CEP112: variants seen among roughly 807,000 people sequenced by gnomAD.
The protein encoded by CEP112 is centrosomal protein 112.
In CEP112, 127 loss-of-function variants were observed where a neutral mutation model predicts 153.0. The observed-to-expected ratio is 0.83, with a 90% CI of 0.72 to 0.96. CEP112 has a LOEUF of 0.96. Among genes scored for constraint, CEP112 ranks in the 40% least tolerant of loss-of-function variants. The pLI is 0.00. For missense variants in CEP112, 1,089 were observed against 1,101.2 expected, an observed-to-expected ratio of 0.99 and a Z score of 0.16; for synonymous variants, 358 against 374.4, an observed-to-expected ratio of 0.96 and a Z score of 0.51.
At chr17:65,896,700 T>C (rs1598922831) in intron 20 of CEP112, among the ~76,000 whole-genome samples, 2 of 152,038 alleles carry the variant, frequency 1.3e-5, no homozygotes, top group Admixed American at 6.6e-5. Context: ...GTATGACCTA[T>C]GCTTTTGGTG....
intron 19 of CEP112, among the ~76,000 whole-genome samples, chr17:65,912,674 T>C (rs1279315483): frequency 6.6e-6 from 1 of 152,148 alleles, no homozygotes; most frequent in Non-Finnish European, 1.5e-5. Context: ...CAAACAATTA[T>C]CAACATGCCA....
In CEP112 at chr17:65,813,673, A is replaced by T. The variant is rs147615258; in HGVS notation, c.2394+38131T>A. Among the ~76,000 whole-genome samples, 42 of 152,280 alleles carry T rather than the reference A, an allele frequency of 2.8e-4. No individual in the cohort carries two copies. In the East Asian group the frequency reaches 7.9e-3, roughly 29 times the overall value. ...TCTAAAGCATTCAGTGAGTTGGGAGAATTAAAGTAGATAAGGTGCGTGAAA... is the reference window on the plus strand; with the variant it reads ...TCTAAAGCATTCAGTGAGTTGGGAGTATTAAAGTAGATAAGGTGCGTGAAA... On this transcript the variant is annotated intron_variant, in intron 21 of 26. Coordinates refer to ENST00000535342, the MANE Select transcript of CEP112 (RefSeq NM_001199165.4).
At chr17:65,757,238 C>T (rs1567969408) in intron 21 of CEP112, among the ~76,000 whole-genome samples, 1 of 152,118 alleles carries the variant, frequency 6.6e-6, no homozygotes, top group Non-Finnish European at 1.5e-5. Flanking sequence ...TCTGTTATGG[C>T]AGCCCAAGCC....
intron 14 of CEP112, 51 bp downstream of exon 14, chr17:66,029,072 G>C: frequency 7.0e-7 from 1 of 1,423,410 alleles, no homozygotes; most frequent in Non-Finnish European, 9.7e-7. Context: ...TATGGCTCTA[G>C]GCTTAGTGAA....
At chr17:65,864,969 T>C (rs1456662322) in intron 20 of CEP112, among the ~76,000 whole-genome samples, 1 of 142,900 alleles carries the variant, frequency 7.0e-6, no homozygotes, top group African/African-American at 2.6e-5. Context: ...TGTGTGTGTG[T>C]ACATATCTAT....
chr17:66,028,303 C>T lies in CEP112; in HGVS notation c.1596+10G>A, dbSNP rs780297214. On this transcript the variant is annotated intron_variant, in intron 15 of 26. Coordinates refer to ENST00000535342, the MANE Select transcript of CEP112 (RefSeq NM_001199165.4). ...ACCATTGTTCTTCTGTGTAGAAATA[C>T]AAGACTCACCCTTAGTTGTTGCTTT... 2 of 1,513,092 alleles carry T rather than the reference C, an allele frequency of 1.3e-6. No individual in the cohort carries two copies. Among genetic ancestry groups the T allele is most frequent in the African/African-American group, 1.4e-5 (1 of 71,334 alleles). 93.7% of individuals were successfully genotyped at this position (1,513,092 alleles called of 1,614,324 possible).
At chr17:65,673,151 G>A (rs916722981) in intron 24 of CEP112, among the ~76,000 whole-genome samples, 5 of 152,102 alleles carry the variant, frequency 3.3e-5, no homozygotes, top group African/African-American at 9.7e-5. Flanking sequence ...GCTCATTTGG[G>A]TTGTTGGCAG....
chr17:65,780,466 A>T (rs1480234274), intron 21 of CEP112, among the ~76,000 whole-genome samples: 1 of 152,122 alleles, frequency 6.6e-6, no homozygotes, highest in African/African-American at 2.4e-5. Flanking sequence ...TCTAGGGAAG[A>T]AGCAACTATT....
At chr17:66,144,190 C>T (rs2070827104) in intron 4 of CEP112, among the ~76,000 whole-genome samples, 1 of 152,068 alleles carries the variant, frequency 6.6e-6, no homozygotes, top group African/African-American at 2.4e-5. Context: ...CCTGTGTAAC[C>T]ACAATAAATA....
intron 19 of CEP112, among the ~76,000 whole-genome samples, chr17:65,924,509 T>C (rs190337607): frequency 7.2e-5 from 11 of 152,320 alleles, no homozygotes; most frequent in Admixed American, 2.6e-4. Flanking sequence ...CATATTCACA[T>C]GTGCATATGT....
chr17:66,128,274 GC>G (rs1291785524), intron 6 of CEP112, among the ~76,000 whole-genome samples: 1 of 120,972 alleles, frequency 8.3e-6, no homozygotes. Flanking sequence ...CTGCACTCCA[GC>G]CTGTGCGACA....
At chr17:66,010,411 A>G (rs2064467839) in intron 16 of CEP112, among the ~76,000 whole-genome samples, 1 of 152,062 alleles carries the variant, frequency 6.6e-6, no homozygotes, top group Non-Finnish European at 1.5e-5. Context: ...GCAAACAGGG[A>G]TATTTGACTT....
At chr17:65,770,084 T>A (rs562502631) in intron 21 of CEP112, among the ~76,000 whole-genome samples, 8 of 151,022 alleles carry the variant, frequency 5.3e-5, no homozygotes, top group Admixed American at 4.0e-4. Flanking sequence ...GCAGATGGAA[T>A]GGCTGAAAAT....
intron 8 of CEP112, among the ~76,000 whole-genome samples, chr17:66,077,125 T>C (rs2067532370): frequency 6.6e-6 from 1 of 152,092 alleles, no homozygotes; most frequent in South Asian, 2.1e-4. Context: ...ACTCTGATAA[T>C]ATGACAAAAC....
chr17:65,813,094 G>C (rs2056075606), intron 21 of CEP112, among the ~76,000 whole-genome samples: 2 of 152,132 alleles, frequency 1.3e-5, no homozygotes, highest in South Asian at 2.1e-4. Flanking sequence ...GACTAGCAGG[G>C]CATGATGGGA....
chr17:65,750,521 T>C, intron 22 of CEP112, 141 bp downstream of exon 22: 1 of 656,040 alleles, frequency 1.5e-6, no homozygotes, highest in Non-Finnish European at 2.7e-6. Flanking sequence ...TGTTTATTTG[T>C]ATACCCATAA....
At chr17:65,897,465 A>T (rs1030663342) in intron 20 of CEP112, among the ~76,000 whole-genome samples, 1 of 152,114 alleles carries the variant, frequency 6.6e-6, no homozygotes, top group Non-Finnish European at 1.5e-5. Flanking sequence ...ATCAGATATA[A>T]GAAAGAGATA....
chr17:65,671,336 A>G (rs2046971484), intron 24 of CEP112, among the ~76,000 whole-genome samples: 1 of 152,232 alleles, frequency 6.6e-6, no homozygotes. Flanking sequence ...GGAATGCTAC[A>G]TCTCAGAAAA....
intron 8 of CEP112, among the ~76,000 whole-genome samples, chr17:66,071,025 C>G (rs1323247986): frequency 6.6e-6 from 1 of 152,132 alleles, no homozygotes; most frequent in Non-Finnish European, 1.5e-5. Context: ...GCAAAAATAT[C>G]AGTCAACCAC....
Sources: gnomAD v4.1 joint callset for allele counts (sites outside exome capture counted in the v4.1 genomes callset) on GRCh38, gnomAD v4.1.1 for gene constraint, MANE v1.5 for transcripts, NCBI Gene and HGNC (gene_info 2026-07-23, HGNC 2026-07-21) for gene names.